NUBP1: variants seen among roughly 807,000 people sequenced by gnomAD.
NUBP1 encodes NUBP iron-sulfur cluster assembly factor 1, cytosolic.
A neutral mutation model predicts 41.8 loss-of-function variants in NUBP1; 46 were observed. The observed-to-expected ratio is 1.10, with a 90% confidence interval of 0.87 to 1.41. The LOEUF is 1.41. Among genes scored for constraint, NUBP1 ranks in the 40% most tolerant of loss-of-function variants. NUBP1 has a pLI of 0.00. For synonymous variants in NUBP1, 189 were observed against 154.6 expected (o/e 1.22, Z -1.65); for missense variants, 494 against 414.0 (o/e 1.19, Z -1.68).
intron 4 of NUBP1, among the ~76,000 whole-genome samples, chr16:10,754,248 A>AT (rs373945552): frequency 1.4e-5 from 2 of 139,540 alleles, no homozygotes; most frequent in African/African-American, 5.9e-5. Context: ...ATTTTATTTT[A>AT]TTTATTTTAT....
Position 10,756,756 on chromosome 16 carries a change from A to G in NUBP1, c.427A>G (p.Ile143Val), listed in dbSNP as rs143728418. The G allele has an allele frequency of 3.1e-6, 5 of 1,591,124 alleles. No homozygotes were observed. The African/African-American group carries it at 6.8e-5, about 22-fold the overall frequency. Reference protein sequence around the residue: ...FLLSSPDDAVIWRGPKKNGMI... With the variant: ...FLLSSPDDAVVWRGPKKNGMI... ...GCTCAGCAGTCCTGATGATGCTGTT[A>G]TCTGGAGGGGACCCAAGAAAAACGG... The change falls in exon 6 of 11, where the codon ATC (isoleucine) becomes GTC (valine). Residue 143 changes from isoleucine (I) to valine (V), a missense_variant. Ile to Val is a conservative substitution (Grantham distance 29, BLOSUM62 3). Transcript: ENST00000283027.
Position 10,761,840 on chromosome 16 carries a change from G to T in NUBP1, c.801G>T (p.Val267=), listed in dbSNP as rs775429854. ...TGGAGGTCCCTCTCCTCGGCAGAGT[G>T]CCCCTGGATCCGCTCATAGGTGGGT... ...QDLEVPLLGR[V]PLDPLIGKNC... is the part of the protein sequence containing the mutation. Residue 267 remains valine, a synonymous_variant, in exon 9 of 11, where the codon GTG becomes GTT. Transcript: ENST00000283027. 7 of 1,614,000 alleles carry T rather than the reference G, an allele frequency of 4.3e-6. No homozygotes were observed. The highest frequency in any genetic ancestry group is 4.2e-6 in the Non-Finnish European group (5 of 1,179,910).
chr16:10,744,385 A>G (rs563024702), intron 2 of NUBP1, among the ~76,000 whole-genome samples: 2 of 152,362 alleles, frequency 1.3e-5, no homozygotes, highest in East Asian at 1.9e-4. Context: ...TTTGAGTGAC[A>G]ATAACAGACC....
intron 2 of NUBP1, 111 bp from the exon 3 acceptor site, chr16:10,747,032 G>A: frequency 7.7e-7 from 1 of 1,304,960 alleles, no homozygotes; most frequent in Non-Finnish European, 1.1e-6. Context: ...GTTTTAAACA[G>A]CCCCAGGACT....
Position 10,768,185 on chromosome 16 carries a change from C to G in NUBP1, c.904+153C>G. ...AGGAAGCCAGGAGTCCATGAGAAAT[C>G]TCTCAATGTGTGAGTATTGTGAATT... On this transcript the variant is annotated intron_variant, in intron 10 of 10. Coordinates refer to ENST00000283027, the MANE Select transcript of NUBP1 (RefSeq NM_002484.4). The surrounding 1 kb of genome is among the most constrained non-coding windows in gnomAD (Gnocchi z 4.3). The G allele has an allele frequency of 1.7e-6, 1 of 603,952 alleles. No homozygotes were observed. The highest frequency in any genetic ancestry group is 2.9e-6 in the Non-Finnish European group (1 of 343,768). The allele number at this position is 603,952 out of a possible 1,614,324, so 37.4% of individuals were successfully genotyped here.
Position 10,767,913 on chromosome 16 carries a change from T to C in NUBP1, c.821-36T>C. On this transcript the variant is annotated intron_variant, in intron 9 of 10. Transcript: ENST00000283027. This position sits in a 1 kb window ranked among gnomAD's most constrained non-coding sequence, Gnocchi z 4.6. ...TCTTGTGGCCATTCTGTTTTCCTCT[T>C]GGACTGAATTGTCTTCCGTTTGTTT... 1 of 1,598,382 alleles carries C rather than the reference T, an allele frequency of 6.3e-7. No individual in the cohort carries two copies. Among genetic ancestry groups the C allele is most frequent in the Non-Finnish European group, 8.6e-7 (1 of 1,165,810 alleles).
At chr16:10,762,904 A>G (rs2030216711) in intron 9 of NUBP1, among the ~76,000 whole-genome samples, 1 of 148,612 alleles carries the variant, frequency 6.7e-6, no homozygotes, top group Non-Finnish European at 1.5e-5. Flanking sequence ...CATGGGGAGA[A>G]TGGGAGCCTG....
Position 10,744,785 on chromosome 16 carries a change from T to G in NUBP1, c.124+720T>G, listed in dbSNP as rs568591562. Among the ~76,000 whole-genome samples the G allele has an allele frequency of 2.1e-3, 322 of 151,082 alleles. 2 individuals are homozygous for G. Among genetic ancestry groups the G allele is most frequent in the African/African-American group, 7.4e-3 (304 of 40,824 alleles). ...TTTCCCCCTTTTTTTTTAGACAGAG[T>G]CTTGCTGTGTAGCCCAGACCAGAGT... On this transcript the variant is annotated intron_variant, in intron 2 of 10. Coordinates refer to ENST00000283027, the MANE Select transcript of NUBP1 (RefSeq NM_002484.4).
rs2031310902 is a variant in NUBP1, at chr16:10,769,038, GT to G, written c.905-5del. The G allele has an allele frequency of 6.2e-7, 1 of 1,613,882 alleles. No homozygotes were observed. Among genetic ancestry groups the G allele is most frequent in the Admixed American group, 1.7e-5 (1 of 59,980 alleles). On this transcript the variant is annotated splice_region_variant and splice_polypyrimidine_tract_variant and intron_variant, in intron 10 of 10. Transcript: ENST00000283027. ...ATTAGCACTCTATGCCTGTCGTCTT[GT>G]TTTCCAGGAATCCAAGAGTTTTGTA...
chr16:10,756,665 T>C (rs769135705), intron 5 of NUBP1, 25 bp from the exon 6 acceptor site: 1 of 1,511,394 alleles, frequency 6.6e-7, no homozygotes, highest in Non-Finnish European at 8.8e-7. Context: ...AAGCGTGTCT[T>C]GCCCTCACCC....
chr16:10,761,398 A>T lies in NUBP1; in HGVS notation c.641A>T (p.Asn214Ile), dbSNP rs765734724. The change falls in exon 8 of 11, where the codon AAC becomes ATC. Residue 214 changes from asparagine to isoleucine, a missense_variant. Coordinates refer to ENST00000283027, the MANE Select transcript of NUBP1 (RefSeq NM_002484.4). ...VSLQDVRKEI[N>I]FCRKVKLPII... ...CTCCAGGATGTCCGGAAAGAAATCAACTTCTGCCGCAAGGTGAAGCTGCCC... is the reference window on the plus strand; with the variant it reads ...CTCCAGGATGTCCGGAAAGAAATCATCTTCTGCCGCAAGGTGAAGCTGCCC... The T allele has an allele frequency of 1.2e-6, 2 of 1,614,122 alleles. No individual in the cohort carries two copies. The highest frequency in any genetic ancestry group is 1.7e-6 in the Non-Finnish European group (2 of 1,179,988).
chr16:10,768,300 G>A lies in NUBP1; in HGVS notation c.904+268G>A. 4.9e-6 allele frequency: 1 copy of A among 204,396 alleles called. No individual in the cohort carries two copies. Among genetic ancestry groups the A allele is most frequent in the South Asian group, 1.1e-4 (1 of 9,030 alleles). 12.7% of individuals were successfully genotyped at this position (204,396 alleles called of 1,614,324 possible). ...GGGATAAAGTAATTCATTTTTAAAA[G>A]TAACTGATAAAAAAAAAAAAGGCCA... On this transcript the variant is annotated intron_variant, in intron 10 of 10. Coordinates refer to ENST00000283027, the MANE Select transcript of NUBP1 (RefSeq NM_002484.4). The surrounding 1 kb of genome is among the most constrained non-coding windows in gnomAD (Gnocchi z 4.3).
At chr16:10,762,145 G>A (rs2030017436) in intron 9 of NUBP1, 7 of 289,872 alleles carry the variant, frequency 2.4e-5, no homozygotes, top group Non-Finnish European at 3.3e-5. Flanking sequence ...GACTGAGGAG[G>A]GCACCCGATA....
chr16:10,761,480 G>C lies in NUBP1; in HGVS notation c.717+6G>C, dbSNP rs371836842. 466 of 1,610,408 alleles carry C rather than the reference G, an allele frequency of 2.9e-4. No homozygotes were observed. Among genetic ancestry groups the C allele is most frequent in the Non-Finnish European group, 3.6e-4 (423 of 1,176,988 alleles). Reference sequence around the variant, plus strand: ...TCATCTGTCCTAAGTGCAAGGTGAGGGCGCGTGGGGCTGCCAGGCGAGCAA... The same window carrying C: ...TCATCTGTCCTAAGTGCAAGGTGAGCGCGCGTGGGGCTGCCAGGCGAGCAA... On this transcript the variant is annotated splice_donor_region_variant and intron_variant, in intron 8 of 10. Coordinates refer to ENST00000283027, the MANE Select transcript of NUBP1 (RefSeq NM_002484.4).
intron 3 of NUBP1, 116 bp from the exon 4 acceptor site, chr16:10,752,494 C>G (rs1567255947): frequency 9.2e-6 from 7 of 762,134 alleles, no homozygotes; most frequent in Non-Finnish European, 1.6e-5. Context: ...CAAGTTTAAC[C>G]CAGTTTCTGT....
intron 3 of NUBP1, among the ~76,000 whole-genome samples, chr16:10,752,407 T>A (rs1900360304): frequency 6.6e-6 from 1 of 152,064 alleles, no homozygotes; most frequent in African/African-American, 2.4e-5. Flanking sequence ...GGCTGAGGGG[T>A]AGGGGAATGG....
intron 4 of NUBP1, 45 bp from the exon 5 acceptor site, chr16:10,755,676 G>C (rs1262863419): frequency 1.9e-6 from 3 of 1,594,310 alleles, no homozygotes; most frequent in Non-Finnish European, 2.6e-6. Context: ...TGTGACCAGG[G>C]TACATGATTT....
At chr16:10,746,349 CTCTT>C (rs1374963294) in intron 2 of NUBP1, among the ~76,000 whole-genome samples, 1 of 152,198 alleles carries the variant, frequency 6.6e-6, no homozygotes, top group East Asian at 1.9e-4. Flanking sequence ...GGCAGGATCA[CTCTT>C]TGTTGTGGGG....
chr16:10,745,386 T>G (rs1360424250), intron 2 of NUBP1, among the ~76,000 whole-genome samples: 1 of 149,948 alleles, frequency 6.7e-6, no homozygotes, highest in Non-Finnish European at 1.5e-5. Flanking sequence ...ACCCGGGAGG[T>G]GGAGGTTGCA....
Sources: allele counts gnomAD v4.1 joint callset (sites outside exome capture counted in the v4.1 genomes callset), GRCh38; gene constraint gnomAD v4.1.1; non-coding constraint Gnocchi (gnomAD v3.1); transcripts MANE v1.5; gene names NCBI Gene and HGNC (gene_info 2026-07-23, HGNC 2026-07-21).